The following OXNAD1 variants were observed in gnomAD, a reference collection of about 807,000 sequenced individuals.
OXNAD1 encodes oxidoreductase NAD binding domain containing 1.
In OXNAD1, 34 loss-of-function variants were observed where a neutral mutation model predicts 32.9. The observed-to-expected ratio is 1.03, with a 90% CI of 0.79 to 1.38. The LOEUF is 1.38. Ranked by LOEUF, OXNAD1 falls within the 40% of genes most tolerant of loss-of-function variation. OXNAD1 has a pLI of 0.00. For missense variants in OXNAD1, 407 were observed against 379.4 expected (o/e 1.07, Z -0.60); for synonymous variants, 134 against 135.2 (o/e 0.99, Z 0.06).
rs925392614 is a variant in OXNAD1 at position 16,348,329 on chromosome 3, G to C, written c.*31-847G>C. 7.9e-5 allele frequency among the ~76,000 whole-genome samples: 12 copies of C among 151,878 alleles called. No individual in the cohort carries two copies. The East Asian group carries it at 2.3e-3, about 29-fold the overall frequency. ...TATCTATTATTGAAGGCATCTAGGA[G>C]ATCATCCACATTATCCAATATGTGT... On this transcript the variant is annotated intron_variant, in intron 9 of 9. Coordinates refer to the OXNAD1 transcript ENST00000606098. The surrounding 1 kb of genome is among the most constrained non-coding windows in gnomAD (Gnocchi z 6.3).
intron 5 of OXNAD1, among the ~76,000 whole-genome samples, chr3:16,291,842 A>G (rs1196579571): frequency 6.6e-6 from 1 of 152,176 alleles, no homozygotes; most frequent in African/African-American, 2.4e-5. Flanking sequence ...GTGCCATTTT[A>G]CATTCCCACC....
intron 9 of OXNAD1, among the ~76,000 whole-genome samples, chr3:16,315,142 A>C: frequency 6.6e-6 from 1 of 152,174 alleles, no homozygotes; most frequent in Non-Finnish European, 1.5e-5. Context: ...TCTGAGATGG[A>C]GTCTTGCTCT....
At chr3:16,324,051 G>C (rs79695911) in intron 9 of OXNAD1, among the ~76,000 whole-genome samples, 4,085 of 152,302 alleles carry the variant, frequency 0.027, 146 homozygotes, top group East Asian at 0.11. Context: ...TCCCAGGAAG[G>C]CAGGACCTGG....
intron 9 of OXNAD1, among the ~76,000 whole-genome samples, chr3:16,343,749 T>G (rs2071462868): frequency 6.6e-6 from 1 of 152,212 alleles, no homozygotes; most frequent in South Asian, 2.1e-4. Context: ...AAGGAACTAA[T>G]GTGGATCCAG....
chr3:16,281,776 G>T (rs1008743037), intron 4 of OXNAD1, among the ~76,000 whole-genome samples: 1 of 151,084 alleles, frequency 6.6e-6, no homozygotes, highest in Non-Finnish European at 1.5e-5. Context: ...ATCTAGTTTT[G>T]TTAAGGAATT....
intron 4 of OXNAD1, among the ~76,000 whole-genome samples, chr3:16,283,307 G>A (rs567771529): frequency 2.0e-5 from 3 of 152,260 alleles, no homozygotes; most frequent in Non-Finnish European, 2.9e-5. Flanking sequence ...GGTGGATTTC[G>A]TTGTATGGCA....
At chr3:16,275,261 T>C (rs1019592296) in intron 4 of OXNAD1, 2 of 156,024 alleles carry the variant, frequency 1.3e-5, no homozygotes, top group Non-Finnish European at 2.9e-5. Flanking sequence ...AGTTGTGTCT[T>C]GTCTGCAGTA....
At chr3:16,273,018 T>G (rs1391397545) in intron 4 of OXNAD1, among the ~76,000 whole-genome samples, 1 of 152,148 alleles carries the variant, frequency 6.6e-6, no homozygotes, top group African/African-American at 2.4e-5. Flanking sequence ...TTTTATAATG[T>G]GAAAAGAGCC....
chr3:16,286,281 C>G lies in OXNAD1; in HGVS notation c.184-61C>G, dbSNP rs914392913. Reference sequence around the variant, plus strand: ...AAAAACCTTAGTTCTCAGGATGCCACCATTTGTCCCTTGTGCTGTGTACGC... The same window carrying G: ...AAAAACCTTAGTTCTCAGGATGCCAGCATTTGTCCCTTGTGCTGTGTACGC... On this transcript the variant is annotated intron_variant, in intron 4 of 8. Transcript: ENST00000285083. 7 of 1,296,434 alleles carry G rather than the reference C, an allele frequency of 5.4e-6. No individual in the cohort carries two copies. In the African/African-American group the frequency reaches 1.0e-4, roughly 19 times the overall value. 80.3% of individuals were successfully genotyped at this position (1,296,434 alleles called of 1,614,324 possible).
At chr3:16,333,724 C>A (rs975260371) in intron 9 of OXNAD1, among the ~76,000 whole-genome samples, 3 of 150,928 alleles carry the variant, frequency 2.0e-5, no homozygotes, top group Admixed American at 1.3e-4. Flanking sequence ...GCTCATATTA[C>A]AGAAAAAAAA....
chr3:16,290,839 CA>C lies in OXNAD1; in HGVS notation c.291-4016del, dbSNP rs2066382283. 6.6e-6 allele frequency among the ~76,000 whole-genome samples: 1 copy of C among 152,058 alleles called. No homozygotes were observed. Among genetic ancestry groups the C allele is most frequent in the Non-Finnish European group, 1.5e-5 (1 of 68,010 alleles). On this transcript the variant is annotated intron_variant, in intron 5 of 8. Transcript: ENST00000285083. The surrounding 1 kb of genome is among the most constrained non-coding windows in gnomAD (Gnocchi z 4.2). ...AGAATATTTTTTTAAGGTCATAGAT[CA>C]GATTAGAGAACATCTTTTGCTTTTC...
Position 16,294,855 on chromosome 3 carries a change from G to T in OXNAD1, c.291-1G>T. On this transcript the variant is annotated splice_acceptor_variant, in intron 5 of 8. Coordinates refer to ENST00000285083, the MANE Select transcript of OXNAD1 (RefSeq NM_138381.5). LOFTEE classifies it high-confidence loss of function. ...AATCATTTATTTGGCTTTCTTTTTAGGGTTGATTTCTTTATTCCAGGAGTC... is the reference window on the plus strand; with the variant it reads ...AATCATTTATTTGGCTTTCTTTTTATGGTTGATTTCTTTATTCCAGGAGTC... 6 of 1,590,660 alleles carry T rather than the reference G, an allele frequency of 3.8e-6. No individual in the cohort carries two copies. Among genetic ancestry groups the T allele is most frequent in the South Asian group, 2.3e-5 (2 of 86,772 alleles).
rs1205687444 is a variant in OXNAD1, at chr3:16,346,194, C to T, written c.*31-2982C>T. 6.6e-6 allele frequency: 1 copy of T among 152,146 alleles called. No individual in the cohort carries two copies. Among genetic ancestry groups the T allele is most frequent in the Non-Finnish European group, 1.5e-5 (1 of 68,016 alleles). The allele number at this position is 152,146 out of a possible 1,614,324, so 9.4% of individuals were successfully genotyped here. On this transcript the variant is annotated intron_variant, in intron 9 of 9. Transcript: ENST00000606098. This position sits in a 1 kb window ranked among gnomAD's most constrained non-coding sequence, Gnocchi z 4.4. ...GGTGCACATTCATTTTTAATGACTA[C>T]ACACCTTCCCTTGACTAAATGGAAT... is the stretch of plus-strand genomic sequence containing the variant.
At chr3:16,323,254 G>A (rs1168546408) in intron 9 of OXNAD1, 2 of 690,906 alleles carry the variant, frequency 2.9e-6, no homozygotes, top group Non-Finnish European at 5.0e-6. Flanking sequence ...GGGCTCAGGT[G>A]TTCCTTGGGC....
At chr3:16,295,652 CT>C (rs2066734124) in intron 6 of OXNAD1, among the ~76,000 whole-genome samples, 1 of 152,192 alleles carries the variant, frequency 6.6e-6, no homozygotes, top group African/African-American at 2.4e-5. Context: ...CCCTTCTATC[CT>C]TTTCACTTAT....
intron 4 of OXNAD1, among the ~76,000 whole-genome samples, chr3:16,282,336 T>G (rs888761745): frequency 2.0e-5 from 3 of 150,446 alleles, no homozygotes; most frequent in Admixed American, 1.3e-4. Context: ...CTGGATTTTC[T>G]GTAGTGTTCT....
rs954050695 is a variant in OXNAD1 at position 16,329,745 on chromosome 3, A to G, written c.*31-7367A>G. ...TGCGAGGTTATGATTACTTGGGCCT[A>G]TCAAGAATAACCTTCCCACTTTATC... On this transcript the variant is annotated intron_variant, in intron 9 of 9. Coordinates refer to the OXNAD1 transcript ENST00000435829. This position sits in a 1 kb window ranked among gnomAD's most constrained non-coding sequence, Gnocchi z 4.5. 1.3e-5 allele frequency among the ~76,000 whole-genome samples: 2 copies of G among 152,148 alleles called. No homozygotes were observed. Among genetic ancestry groups the G allele is most frequent in the African/African-American group, 4.8e-5 (2 of 41,434 alleles).
chr3:16,304,805 TTTC>T lies in OXNAD1; in HGVS notation c.*1246_*1248del, dbSNP rs1289684218. On this transcript the variant is annotated 3_prime_UTR_variant, in exon 9 of 9. Transcript: ENST00000285083. The surrounding 1 kb of genome is among the most constrained non-coding windows in gnomAD (Gnocchi z 4.6). Reference sequence around the variant, plus strand: ...GCGGATGAGAGAAGACAGGTTACCCTTTCTTATCTTTGTTGTTGCAGGCCTCCC... The same window carrying T: ...GCGGATGAGAGAAGACAGGTTACCCTTTATCTTTGTTGTTGCAGGCCTCCC... The T allele has an allele frequency of 6.6e-6, 1 of 152,232 alleles. No individual in the cohort carries two copies. Among genetic ancestry groups the T allele is most frequent in the Admixed American group, 6.5e-5 (1 of 15,278 alleles). 9.4% of individuals were successfully genotyped at this position (152,232 alleles called of 1,614,324 possible).
At position 16,299,479 on chromosome 3, in the gene OXNAD1, A is replaced by G. The variant is rs2057434617; in HGVS notation, c.433-2147A>G. 6.6e-6 allele frequency among the ~76,000 whole-genome samples: 1 copy of G among 152,244 alleles called. No individual in the cohort carries two copies. The highest frequency in any genetic ancestry group is 2.1e-4 in the South Asian group (1 of 4,828). On this transcript the variant is annotated intron_variant, in intron 6 of 8. Coordinates refer to ENST00000285083, the MANE Select transcript of OXNAD1 (RefSeq NM_138381.5). The surrounding 1 kb of genome is among the most constrained non-coding windows in gnomAD (Gnocchi z 4.4). ...TAAAAATCTCCCACATATTTAAAAT[A>G]GTGAGGTTCAGACATTTTTTCCCCT...
Sources: allele counts gnomAD v4.1 joint callset (sites outside exome capture counted in the v4.1 genomes callset), GRCh38; gene constraint gnomAD v4.1.1; non-coding constraint Gnocchi (gnomAD v3.1); transcripts MANE v1.5; gene names NCBI Gene and HGNC (gene_info 2026-07-23, HGNC 2026-07-21).